Variants in TNS3 observed in about 807,000 individuals in gnomAD.
TNS3 encodes the protein tensin 3, also known as tensin-3.
In TNS3, 45 loss-of-function variants were observed where a neutral mutation model predicts 140.9. The observed-to-expected ratio is 0.32, with a 90% CI of 0.25 to 0.41. The LOEUF is 0.41. TNS3 is among the 10% of genes least tolerant of loss of function. The probability of loss-of-function intolerance (pLI) is 1.00; values close to 1 mark genes in which losing one functional copy is unlikely to be tolerated. For synonymous variants in TNS3, 815 were observed against 788.4 expected (o/e 1.03, Z -0.56); for missense variants, 1,716 against 1,906.7 (o/e 0.90, Z 1.86).
At chr7:47,294,925 T>C (rs1455507260) in intron 24 of TNS3, among the ~76,000 whole-genome samples, 1 of 152,160 alleles carries the variant, frequency 6.6e-6, no homozygotes, top group African/African-American at 2.4e-5. Flanking sequence ...GGGAAGTCCT[T>C]CTGGCCAGGG....
rs548659811 is a variant in TNS3, at chr7:47,422,979, C to G, written c.473+1122G>C. Among the ~76,000 whole-genome samples the G allele has an allele frequency of 1.3e-5, 2 of 152,260 alleles. 1 individual carries two copies. The highest frequency in any genetic ancestry group is 6.9e-3 in the Middle Eastern group (2 of 290). ...TGCATGTGGGCCCTGTTGCTGACCA[C>G]AGTCCTACACCCTAGCCCATGTTCC... On this transcript the variant is annotated intron_variant, in intron 10 of 30. Coordinates refer to ENST00000311160, the MANE Select transcript of TNS3 (RefSeq NM_022748.12).
chr7:47,344,722 C>T lies in TNS3; in HGVS notation c.2650+33G>A, dbSNP rs143485862. The T allele has an allele frequency of 2.8e-3, 4,532 of 1,595,638 alleles. 118 individuals are homozygous for T. The African/African-American group carries it at 0.053, about 19-fold the overall frequency. ...ACCCCGCGATGCAGCGCCTGAGTGC[C>T]GCGCGCCTGTGACCCGCGGGTAGAT... On this transcript the variant is annotated intron_variant, in intron 20 of 30. Transcript: ENST00000311160.
chr7:47,344,715 T>C, intron 20 of TNS3, 40 bp downstream of exon 20: 1 of 1,579,144 alleles, frequency 6.3e-7, no homozygotes, highest in Non-Finnish European at 8.6e-7. Context: ...ATGCAGCGCC[T>C]GAGTGCCGCG....
intron 13 of TNS3, among the ~76,000 whole-genome samples, chr7:47,410,241 A>G (rs960425225): frequency 6.6e-6 from 1 of 152,238 alleles, no homozygotes; most frequent in African/African-American, 2.4e-5. Context: ...GCTGCAGCAC[A>G]GCACTGCTGA....
intron 16 of TNS3, among the ~76,000 whole-genome samples, chr7:47,372,243 C>A (rs1055937793): frequency 6.6e-6 from 1 of 152,314 alleles, no homozygotes; most frequent in Admixed American, 6.5e-5. Context: ...CACTGCAGGG[C>A]CACTCAGCCC....
intron 13 of TNS3, among the ~76,000 whole-genome samples, chr7:47,408,028 C>G (rs1192447163): frequency 6.6e-6 from 1 of 152,116 alleles, no homozygotes; most frequent in Non-Finnish European, 1.5e-5. Flanking sequence ...CAAGAGGCGG[C>G]TGGCGGGTTC....
At chr7:47,292,723 C>A in intron 26 of TNS3, 105 bp downstream of exon 26, 1 of 1,039,084 alleles carries the variant, frequency 9.6e-7, no homozygotes, top group Admixed American at 2.3e-5. Context: ...GAAAAAACTT[C>A]CAGTCTTATT....
intron 20 of TNS3, among the ~76,000 whole-genome samples, chr7:47,311,704 T>C (rs1030929434): frequency 2.6e-5 from 4 of 152,024 alleles, no homozygotes; most frequent in African/African-American, 7.2e-5. Context: ...TACCTATAAT[T>C]GGAGTCCAAG....
chr7:47,500,866 G>A (rs1257041426), intron 3 of TNS3, among the ~76,000 whole-genome samples: 3 of 152,110 alleles, frequency 2.0e-5, no homozygotes, highest in Non-Finnish European at 4.4e-5. Flanking sequence ...GATCACTTGA[G>A]GTTAGGAGTT....
Position 47,276,736 on chromosome 7 carries a change from T to A in TNS3, c.*1340A>T, listed in dbSNP as rs1165871410. On this transcript the variant is annotated 3_prime_UTR_variant, in exon 31 of 31. Coordinates refer to ENST00000311160, the MANE Select transcript of TNS3 (RefSeq NM_022748.12). ...TGAAATAAGCCTGAAATACACTTGA[T>A]TCAGTGGCTTAGATGATGGCAAACA... 6.6e-6 allele frequency: 1 copy of A among 152,166 alleles called. No individual in the cohort carries two copies. The highest frequency in any genetic ancestry group is 6.6e-5 in the Admixed American group (1 of 15,266). 9.4% of individuals were successfully genotyped at this position (152,166 alleles called of 1,614,324 possible). A position where few individuals can be genotyped will look rare whatever the true frequency, so the allele number is the denominator to read the frequency against.
chr7:47,436,790 G>C (rs917006541), intron 7 of TNS3, among the ~76,000 whole-genome samples: 1 of 152,026 alleles, frequency 6.6e-6, no homozygotes, highest in Non-Finnish European at 1.5e-5. Context: ...ATTTGTTATA[G>C]ATTTGTTCCA....
At chr7:47,463,272 C>T (rs915640334) in intron 4 of TNS3, among the ~76,000 whole-genome samples, 3 of 152,110 alleles carry the variant, frequency 2.0e-5, no homozygotes, top group African/African-American at 7.2e-5. Context: ...TGGTGAAACC[C>T]CATCTCTACT....
intron 3 of TNS3, 101 bp downstream of exon 3, chr7:47,506,806 C>T (rs1798432982): frequency 2.1e-5 from 20 of 930,506 alleles, no homozygotes; most frequent in Non-Finnish European, 2.9e-5. Context: ...AAAGAGTTTT[C>T]TTTCCGTGGC....
chr7:47,349,714 A>G (rs1789553204), intron 17 of TNS3, among the ~76,000 whole-genome samples: 1 of 152,202 alleles, frequency 6.6e-6, no homozygotes, highest in Admixed American at 6.5e-5. Flanking sequence ...TGGAAATGAG[A>G]AGTTTGAAAC....
intron 4 of TNS3, chr7:47,452,843 C>T (rs998133070): frequency 5.8e-6 from 5 of 862,080 alleles, no homozygotes; most frequent in Non-Finnish European, 7.0e-6. Context: ...CAGCCAGTAC[C>T]GGAGGCCACA....
At position 47,548,883 on chromosome 7, in the gene TNS3, A is replaced by G. The variant is rs575899575; in HGVS notation, c.-264-19736T>C. Among the ~76,000 whole-genome samples the G allele has an allele frequency of 3.9e-5, 6 of 152,088 alleles. No individual in the cohort carries two copies. In the South Asian group the frequency reaches 8.3e-4, roughly 21 times the overall value. ...AAGAACTCCCAGTTTTCTCCCCAACATGTCCTCCCTGCTGCTCGGTCTGCA... is the reference window on the plus strand; with the variant it reads ...AAGAACTCCCAGTTTTCTCCCCAACGTGTCCTCCCTGCTGCTCGGTCTGCA... On this transcript the variant is annotated intron_variant, in intron 1 of 30. Coordinates refer to ENST00000311160, the MANE Select transcript of TNS3 (RefSeq NM_022748.12).
rs568020027 is a variant in TNS3 at position 47,341,953 on chromosome 7, G to C, written c.2650+2802C>G. On this transcript the variant is annotated intron_variant, in intron 20 of 30. Coordinates refer to ENST00000311160, the MANE Select transcript of TNS3 (RefSeq NM_022748.12). ...CAGTATGTTTTTGGATTTCCCTCGA[G>C]ACCTCTTCTTTGACCCATAGATTAT... Among the ~76,000 whole-genome samples the C allele has an allele frequency of 3.9e-5, 6 of 152,056 alleles. No individual in the cohort carries two copies. The South Asian group carries it at 1.2e-3, about 32-fold the overall frequency.
chr7:47,325,195 A>G (rs1363522149), intron 20 of TNS3, among the ~76,000 whole-genome samples: 1 of 152,228 alleles, frequency 6.6e-6, no homozygotes, highest in East Asian at 1.9e-4. Context: ...TCCACAGAGC[A>G]GTAAATGAGT....
At chr7:47,417,294 C>T (rs1794133111) in intron 10 of TNS3, among the ~76,000 whole-genome samples, 1 of 152,266 alleles carries the variant, frequency 6.6e-6, no homozygotes, top group South Asian at 2.1e-4. Context: ...GGTCACACAG[C>T]TTCATTTCTG....
Sources: gnomAD v4.1 joint callset for allele counts (sites outside exome capture counted in the v4.1 genomes callset) on GRCh38, gnomAD v4.1.1 for gene constraint, MANE v1.5 for transcripts, NCBI Gene and HGNC (gene_info 2026-07-23, HGNC 2026-07-21) for gene names.